PRL: variants seen among roughly 807,000 people sequenced by gnomAD.
PRL encodes the protein decidual prolactin.
PRL carries 24 observed loss-of-function variants against 21.3 expected under a neutral mutation model. The ratio of observed to expected loss-of-function variants is 1.13; its 90% CI spans 0.82 to 1.59. The LOEUF is 1.59. Ranked by LOEUF, PRL falls within the 40% of genes most tolerant of loss-of-function variation. PRL has a pLI of 0.00. For synonymous variants in PRL, 118 were observed against 115.7 expected, an observed-to-expected ratio of 1.02 and a Z score of -0.13; for missense variants, 243 against 286.9, an observed-to-expected ratio of 0.85 and a Z score of 1.10.
Position 22,287,271 on chromosome 6 carries a change from G to T in PRL, c.*131C>A. ...TTTTAGATTTTGATGTCTCTAAGGA[G>T]TCAGTTTTTATTTTTTAAGAGGAGA... On this transcript the variant is annotated 3_prime_UTR_variant, in exon 5 of 5. Coordinates refer to ENST00000306482, the MANE Select transcript of PRL (RefSeq NM_000948.6). 1 of 872,774 alleles carries T rather than the reference G, an allele frequency of 1.1e-6. No individual in the cohort carries two copies. The highest frequency in any genetic ancestry group is 1.7e-6 in the Non-Finnish European group (1 of 605,160). 54.1% of individuals were successfully genotyped at this position (872,774 alleles called of 1,614,324 possible).
At chr6:22,292,835 A>AT (rs763543003) in intron 2 of PRL, among the ~76,000 whole-genome samples, 190 bp from the exon 3 acceptor site, 7 of 152,090 alleles carry the variant, frequency 4.6e-5, no homozygotes, top group Non-Finnish European at 5.9e-5. Context: ...CTGTAAACTC[A>AT]TTTTTTCATC....
At chr6:22,291,350 C>T (rs1761046410) in intron 3 of PRL, among the ~76,000 whole-genome samples, 1 of 152,160 alleles carries the variant, frequency 6.6e-6, no homozygotes, top group Non-Finnish European at 1.5e-5. Flanking sequence ...TGCTTACTTG[C>T]CATGTGACTG....
chr6:22,302,309 C>T (rs1391143436), upstream of PRL, among the ~76,000 whole-genome samples: 10 of 128,064 alleles, frequency 7.8e-5, no homozygotes, highest in Non-Finnish European at 1.6e-4. Flanking sequence ...ACAAGACATT[C>T]CATTTAACAG....
intron 2 of PRL, 31 bp from the exon 3 acceptor site, chr6:22,292,676 G>A: frequency 6.4e-7 from 1 of 1,566,130 alleles, no homozygotes. Context: ...TCAATTAGTT[G>A]GGGTTGTTTG....
chr6:22,296,348 C>G (rs1761172212), intron 1 of PRL, among the ~76,000 whole-genome samples: 1 of 152,146 alleles, frequency 6.6e-6, no homozygotes, highest in Admixed American at 6.5e-5. Flanking sequence ...TCTGTTTTTC[C>G]TTTTGAAATG....
intron 4 of PRL, among the ~76,000 whole-genome samples, chr6:22,289,302 C>T (rs1760998375): frequency 6.6e-6 from 1 of 152,098 alleles, no homozygotes; most frequent in African/African-American, 2.4e-5. Flanking sequence ...AAGAGAAATA[C>T]AAAATTGTTC....
At position 22,287,693 on chromosome 6, in the gene PRL, G is replaced by T. The variant is rs557760901; in HGVS notation, c.493-100C>A. 45 of 1,096,054 alleles carry T rather than the reference G, an allele frequency of 4.1e-5. No individual in the cohort carries two copies. The African/African-American group carries it at 6.9e-4, about 17-fold the overall frequency. The allele number at this position is 1,096,054 out of a possible 1,614,324, so 67.9% of individuals were successfully genotyped here. Reference sequence around the variant, plus strand: ...GAATTAAGAATTGAGAATGAGATATGAATGCAAAGTTTTAGACAAAGGCAA... The same window carrying T: ...GAATTAAGAATTGAGAATGAGATATTAATGCAAAGTTTTAGACAAAGGCAA... On this transcript the variant is annotated intron_variant, in intron 4 of 4. Transcript: ENST00000306482.
At chr6:22,298,769 C>T (rs1158852188), upstream of PRL, among the ~76,000 whole-genome samples, 7 of 152,032 alleles carry the variant, frequency 4.6e-5, no homozygotes, top group Admixed American at 3.9e-4. Context: ...TAACATTATC[C>T]TATATTCTCC....
intron 1 of PRL, among the ~76,000 whole-genome samples, chr6:22,294,832 T>C (rs1761141126): frequency 6.6e-6 from 1 of 152,214 alleles, no homozygotes; most frequent in South Asian, 2.1e-4. Flanking sequence ...TTCCCAGAAG[T>C]GCTTCTGTAC....
intron 4 of PRL, among the ~76,000 whole-genome samples, chr6:22,289,687 A>T (rs2113500959): frequency 6.6e-6 from 1 of 152,256 alleles, no homozygotes; most frequent in East Asian, 1.9e-4. Flanking sequence ...TTGTCATGTT[A>T]ATATCTGCTC....
upstream of PRL, among the ~76,000 whole-genome samples, chr6:22,300,841 T>A (rs776746189): frequency 4.6e-5 from 7 of 152,248 alleles, no homozygotes; most frequent in African/African-American, 1.2e-4. Flanking sequence ...ATTACTGCTA[T>A]ACTATTCATA....
At chr6:22,302,357 A>G (rs1358885290), upstream of PRL, among the ~76,000 whole-genome samples, 6 of 152,096 alleles carry the variant, frequency 3.9e-5, no homozygotes, top group Admixed American at 6.6e-5. Context: ...GGCAACAAAA[A>G]TATGCAATTA....
chr6:22,301,625 T>G (rs181815978), upstream of PRL, among the ~76,000 whole-genome samples: 11 of 152,306 alleles, frequency 7.2e-5, no homozygotes, highest in East Asian at 2.1e-3. Context: ...TTGAAAAGAT[T>G]CAGACTGAAA....
rs758519558 is a variant in PRL at position 22,292,561 on chromosome 6, T to G, written c.289A>C (p.Lys97Gln). ...HTSSLATPEDKEQAQQMNQKD... is the reference protein window; with the variant it reads ...HTSSLATPEDQEQAQQMNQKD... ...ACATTCATCTGTTGGGCTTGCTCCT[T>G]GTCTTCGGGGGTGGCAAGGGAAGAA... is the stretch of plus-strand genomic sequence containing the variant. Residue 97 changes from lysine to glutamine, a missense_variant, in exon 3 of 5, where the codon AAG (lysine) becomes CAG (glutamine). Lys to Gln is a moderately conservative substitution (Grantham distance 53). Transcript: ENST00000306482. The G allele has an allele frequency of 6.2e-7, 1 of 1,614,190 alleles. No individual in the cohort carries two copies. Among genetic ancestry groups the G allele is most frequent in the Non-Finnish European group, 8.5e-7 (1 of 1,180,022 alleles).
intron 1 of PRL, 136 bp from the exon 2 acceptor site, chr6:22,294,720 G>C: frequency 1.1e-6 from 1 of 928,810 alleles, no homozygotes; most frequent in African/African-American, 1.7e-5. Flanking sequence ...GGCTGGGATG[G>C]GGGAAGAACA....
intron 4 of PRL, 55 bp from the exon 5 acceptor site, chr6:22,287,648 C>T: frequency 1.4e-6 from 2 of 1,387,554 alleles, no homozygotes; most frequent in South Asian, 3.3e-5. Context: ...ATTTGTATGT[C>T]CTTGTTCTTT....
In PRL at chr6:22,290,354, C is replaced by G. The variant is rs187540386; in HGVS notation, c.313-1G>C. The G allele has an allele frequency of 4.4e-6, 7 of 1,581,342 alleles. No individual in the cohort carries two copies. In the East Asian group the frequency reaches 1.6e-4, roughly 36 times the overall value. On this transcript the variant is annotated splice_acceptor_variant, in intron 3 of 4. Transcript: ENST00000306482. LOFTEE classifies it high-confidence loss of function. ...CTATCAGGCTCAGAAAGTCTTTTTG[C>G]TACGAAACCATATAGAACAATTGCA...
chr6:22,294,443 A>G lies in PRL; in HGVS notation c.170T>C (p.Ile57Thr), dbSNP rs1284647518. The G allele has an allele frequency of 1.2e-6, 2 of 1,614,018 alleles. No homozygotes were observed. The highest frequency in any genetic ancestry group is 4.5e-5 in the East Asian group (2 of 44,878). The change falls in exon 2 of 5, where the codon ATC becomes ACC. Residue 57 changes from isoleucine (I) to threonine (T), a missense_variant. Coordinates refer to ENST00000306482, the MANE Select transcript of PRL (RefSeq NM_000948.6). ...GAACATTTCTGAGGAGAGGTTATGG[A>G]TGTAGTGGGACAGGACGACGGCGCG... ...FDRAVVLSHY[I>T]HNLSSEMFSE...
upstream of PRL, among the ~76,000 whole-genome samples, chr6:22,298,747 T>C (rs1581390176): frequency 6.6e-6 from 1 of 152,328 alleles, no homozygotes; most frequent in Non-Finnish European, 1.5e-5. Context: ...CAGAGCTGTG[T>C]GGCAGAGAAA....
Sources: allele counts gnomAD v4.1 joint callset (sites outside exome capture counted in the v4.1 genomes callset), GRCh38; gene constraint gnomAD v4.1.1; transcripts MANE v1.5; gene names NCBI Gene and HGNC (gene_info 2026-07-23, HGNC 2026-07-21).